APAF1: variants seen among roughly 807,000 people sequenced by gnomAD.
The protein encoded by APAF1 is apoptotic peptidase activating factor 1.
Under a neutral mutation model 152.4 loss-of-function variants are expected in APAF1, and 91 were observed. The observed-to-expected ratio is 0.60, with a 90% CI of 0.50 to 0.71. The LOEUF (loss-of-function observed/expected upper bound fraction) is 0.71, where lower values mean the gene tolerates loss of function less well. APAF1 is among the 30% of genes least tolerant of loss of function. The pLI, the probability that APAF1 is intolerant of heterozygous loss-of-function variation, is 0.00. For synonymous variants in APAF1, 484 were observed against 494.1 expected, an observed-to-expected ratio of 0.98 and a Z score of 0.27; for missense variants, 1,283 against 1,472.0, an observed-to-expected ratio of 0.87 and a Z score of 2.10.
intron 5 of APAF1, among the ~76,000 whole-genome samples, chr12:98,660,776 G>A (rs1362503690): frequency 6.6e-6 from 1 of 152,178 alleles, no homozygotes; most frequent in African/African-American, 2.4e-5. Flanking sequence ...TTAGGTAGTG[G>A]CTCTGCACTT....
At chr12:98,685,340 CT>C (rs1215086990) in intron 15 of APAF1, among the ~76,000 whole-genome samples, 5,912 of 143,500 alleles carry the variant, frequency 0.041, 298 homozygotes, top group African/African-American at 0.13. Flanking sequence ...ATACCCCTCC[CT>C]TTTTTTTTTT....
rs139951279 is a variant in APAF1, at chr12:98,648,758, A to C, written c.271A>C (p.Ile91Leu). ...TCTTGCTGCCCTTCTCCATGATGGC[A>C]TTCCTGTTGTCTCTTCTTCCAGTGG... ...KDLAALLHDG[I>L]PVVSSSSGKD... Residue 91 changes from isoleucine to leucine, a missense_variant, in exon 3 of 27, where the codon ATT becomes CTT. By Grantham distance (5) the Ile-to-Leu change is conservative. Transcript: ENST00000551964. 3.7e-6 allele frequency: 6 copies of C among 1,614,056 alleles called. No homozygotes were observed. The Admixed American group carries it at 1.0e-4, about 27-fold the overall frequency.
Position 98,648,571 on chromosome 12 carries a change from C to T in APAF1, c.139-55C>T, listed in dbSNP as rs1343914709. 1.9e-6 allele frequency: 3 copies of T among 1,609,546 alleles called. No homozygotes were observed. The Admixed American group carries it at 5.0e-5, about 27-fold the overall frequency. ...TCAGAACTTGTACTGGTCTCCACTACTTTATGTTGCATACATATTCATTGT... is the reference window on the plus strand; with the variant it reads ...TCAGAACTTGTACTGGTCTCCACTATTTTATGTTGCATACATATTCATTGT... On this transcript the variant is annotated intron_variant, in intron 2 of 26. Coordinates refer to ENST00000551964, the MANE Select transcript of APAF1 (RefSeq NM_181861.2).
At chr12:98,697,817 A>C (rs898340907) in intron 16 of APAF1, among the ~76,000 whole-genome samples, 1 of 152,172 alleles carries the variant, frequency 6.6e-6, no homozygotes, top group Non-Finnish European at 1.5e-5. Context: ...GAGGATGAAA[A>C]CTGTAAAATT....
At chr12:98,688,895 G>A (rs947822655) in intron 16 of APAF1, among the ~76,000 whole-genome samples, 9 of 151,466 alleles carry the variant, frequency 5.9e-5, no homozygotes, top group African/African-American at 1.9e-4. Flanking sequence ...GCCCACCACA[G>A]TCTATCTCCT....
chr12:98,677,556 A>G lies in APAF1; in HGVS notation c.1920+5A>G. The G allele has an allele frequency of 6.2e-7, 1 of 1,614,184 alleles. No individual in the cohort carries two copies. The highest frequency in any genetic ancestry group is 8.5e-7 in the Non-Finnish European group (1 of 1,180,022). On this transcript the variant is annotated splice_donor_5th_base_variant and intron_variant, in intron 13 of 26. Coordinates refer to ENST00000551964, the MANE Select transcript of APAF1 (RefSeq NM_181861.2). ...GGAGCTGATAAAACCTTACAGGTAAAACACATCTCTTGAGAAAAATGCAAA... is the reference window on the plus strand; with the variant it reads ...GGAGCTGATAAAACCTTACAGGTAAGACACATCTCTTGAGAAAAATGCAAA...
chr12:98,702,780 G>T lies in APAF1; in HGVS notation c.2467-591G>T, dbSNP rs181413653. 1.7e-3 allele frequency among the ~76,000 whole-genome samples: 250 copies of T among 149,772 alleles called. 1 individual carries two copies. Among genetic ancestry groups the T allele is most frequent in the African/African-American group, 5.7e-3 (232 of 40,496 alleles). ...GTGGAGGTTGCAGTGAGCTGAGATC[G>T]CCCCAAGCTGAGATTACGCTATTGC... On this transcript the variant is annotated intron_variant, in intron 17 of 26. Transcript: ENST00000551964.
At chr12:98,728,735 A>G (rs1246078869) in intron 26 of APAF1, among the ~76,000 whole-genome samples, 1 of 152,168 alleles carries the variant, frequency 6.6e-6, no homozygotes, top group Non-Finnish European at 1.5e-5. Flanking sequence ...ACAAACAAAC[A>G]AAAAAACCAA....
In APAF1 at chr12:98,659,256, A is replaced by C. The variant is rs759455114; in HGVS notation, c.623A>C (p.Gln208Pro). 2 of 1,614,126 alleles carry C rather than the reference A, an allele frequency of 1.2e-6. No homozygotes were observed. Among genetic ancestry groups the C allele is most frequent in the African/African-American group, 2.7e-5 (2 of 74,942 alleles). ...KLQNLCTRLD[Q>P]DESFSQRLPL... Reference sequence around the variant, plus strand: ...CAGAATCTTTGCACACGGTTGGATCAGGATGAGAGTTTTTCCCAGAGGCTT... The same window carrying C: ...CAGAATCTTTGCACACGGTTGGATCCGGATGAGAGTTTTTCCCAGAGGCTT... The change falls in exon 5 of 27, where the codon CAG (glutamine) becomes CCG (proline). Residue 208 changes from glutamine (Q) to proline (P), a missense_variant. Coordinates refer to ENST00000551964, the MANE Select transcript of APAF1 (RefSeq NM_181861.2).
At chr12:98,725,287 C>T in intron 24 of APAF1, 128 bp from the exon 25 acceptor site, 1 of 1,220,764 alleles carries the variant, frequency 8.2e-7, no homozygotes, top group Non-Finnish European at 1.2e-6. Context: ...TTGGGCATCT[C>T]ATGACAGTTT....
chr12:98,671,103 G>A lies in APAF1; in HGVS notation c.1608+17G>A, dbSNP rs767988499. 1.4e-6 allele frequency: 2 copies of A among 1,428,952 alleles called. No homozygotes were observed. The highest frequency in any genetic ancestry group is 2.0e-6 in the Non-Finnish European group (2 of 1,016,228). 88.5% of individuals were successfully genotyped at this position (1,428,952 alleles called of 1,614,324 possible). On this transcript the variant is annotated intron_variant, in intron 11 of 26. Transcript: ENST00000551964. Reference sequence around the variant, plus strand: ...GATGAAAAGGTATATATATTAACATGAAAAATTAGTGCTAAAAAGGAATCT... The same window carrying A: ...GATGAAAAGGTATATATATTAACATAAAAAATTAGTGCTAAAAAGGAATCT...
chr12:98,672,268 G>A (rs996517206), intron 12 of APAF1, among the ~76,000 whole-genome samples: 1 of 151,980 alleles, frequency 6.6e-6, no homozygotes, highest in Admixed American at 6.6e-5. Context: ...GGATTCAAAC[G>A]ATTCTCCTGC....
intron 15 of APAF1, among the ~76,000 whole-genome samples, chr12:98,684,998 C>T (rs1479975996): frequency 6.6e-6 from 1 of 152,166 alleles, no homozygotes. Flanking sequence ...GTGAAGCTGC[C>T]TTCATGTAAC....
chr12:98,670,447 T>C (rs1327855195), intron 10 of APAF1, among the ~76,000 whole-genome samples: 1 of 152,056 alleles, frequency 6.6e-6, no homozygotes, highest in Non-Finnish European at 1.5e-5. Context: ...TCTTACTGTT[T>C]TATTAGAATT....
chr12:98,666,152 A>G, intron 8 of APAF1, 38 bp from the exon 9 acceptor site: 1 of 1,591,174 alleles, frequency 6.3e-7, no homozygotes, highest in South Asian at 1.1e-5. Context: ...TGGTCATTGT[A>G]CTTTTGTGGC....
chr12:98,712,696 G>C, intron 21 of APAF1: 1 of 385,962 alleles, frequency 2.6e-6, no homozygotes, highest in Non-Finnish European at 4.8e-6. Context: ...TTTTTTTTTT[G>C]TAGAGATGGG....
chr12:98,702,022 G>A (rs2097715963), intron 17 of APAF1, among the ~76,000 whole-genome samples: 1 of 152,128 alleles, frequency 6.6e-6, no homozygotes, highest in East Asian at 1.9e-4. Context: ...CCGGCGCTAC[G>A]CTGCCTACCA....
chr12:98,670,900 A>C, intron 10 of APAF1, 73 bp from the exon 11 acceptor site: 1 of 819,308 alleles, frequency 1.2e-6, no homozygotes. Flanking sequence ...TAGCAGTGTG[A>C]GGTTAATGAT....
chr12:98,717,379 T>G (rs1416817121), intron 22 of APAF1, among the ~76,000 whole-genome samples: 1 of 151,540 alleles, frequency 6.6e-6, no homozygotes, highest in Non-Finnish European at 1.5e-5. Flanking sequence ...TATAATTTTT[T>G]TTTGTTTTTT....
Sources: gnomAD v4.1 joint callset for allele counts (sites outside exome capture counted in the v4.1 genomes callset) on GRCh38, gnomAD v4.1.1 for gene constraint, MANE v1.5 for transcripts, NCBI Gene and HGNC (gene_info 2026-07-23, HGNC 2026-07-21) for gene names.